TUBGCP3: variants seen among roughly 807,000 people sequenced by gnomAD.
The protein encoded by TUBGCP3 is gamma-tubulin complex component 3.
Under a neutral mutation model 123.1 loss-of-function variants are expected in TUBGCP3, and 50 were observed. That is an observed-to-expected ratio of 0.41 (90% CI 0.32 to 0.51). The LOEUF (loss-of-function observed/expected upper bound fraction) is 0.51. TUBGCP3 is among the 20% of genes least tolerant of loss of function. The pLI is 0.36. For synonymous variants in TUBGCP3, 405 were observed against 413.9 expected, an observed-to-expected ratio of 0.98 and a Z score of 0.26; for missense variants, 882 against 1,127.0, an observed-to-expected ratio of 0.78 and a Z score of 3.11.
At chr13:112,601,413 C>T in the TUBGCP3 span, among the ~76,000 whole-genome samples, 6 of 152,024 alleles carry the variant, frequency 3.9e-5, no homozygotes, top group East Asian at 1.9e-4. Context: ...CTCATTCTGT[C>T]GCCCGGGCTT....
chr13:112,502,306 C>A (rs1314588191), intron 19 of TUBGCP3, among the ~76,000 whole-genome samples: 2 of 152,206 alleles, frequency 1.3e-5, no homozygotes, highest in African/African-American at 4.8e-5. Context: ...TCTTGCCATG[C>A]GACTGCACCG....
At position 112,562,818 on chromosome 13, in the gene TUBGCP3, G is replaced by A. The variant is rs184364839; in HGVS notation, c.252+2293C>T. On this transcript the variant is annotated intron_variant, in intron 3 of 21. Transcript: ENST00000261965. The stretch of plus-strand genomic sequence containing the variant: ...AATTGTACGTGAAGAAAGTCTTATC[G>A]GGACATGGTAAGATCTAGAGGAACA... 3.1e-4 allele frequency among the ~76,000 whole-genome samples: 47 copies of A among 152,324 alleles called. No homozygotes were observed. The East Asian group carries it at 7.1e-3, about 23-fold the overall frequency.
chr13:112,576,622 T>C (rs1368461618), intron 1 of TUBGCP3, among the ~76,000 whole-genome samples: 2 of 152,038 alleles, frequency 1.3e-5, no homozygotes, highest in Non-Finnish European at 2.9e-5. Context: ...ACCTTAAATA[T>C]ATATTTTGGA....
At chr13:112,556,007 C>T in intron 6 of TUBGCP3, 45 bp downstream of exon 6, 2 of 1,564,610 alleles carry the variant, frequency 1.3e-6, no homozygotes, top group Non-Finnish European at 1.7e-6. Context: ...AGGCTGAATT[C>T]CAAGTGTTCA....
chr13:112,578,476 A>C (rs7320222), intron 1 of TUBGCP3, among the ~76,000 whole-genome samples: 1 of 143,750 alleles, frequency 7.0e-6, no homozygotes, highest in Non-Finnish European at 1.5e-5. Context: ...GGAGAATGGC[A>C]TGAACCCAAG....
intron 16 of TUBGCP3, 48 bp downstream of exon 16, chr13:112,518,927 C>T: frequency 6.6e-7 from 1 of 1,524,260 alleles, no homozygotes; most frequent in Non-Finnish European, 9.1e-7. Context: ...AAATGTTTAA[C>T]AATCTTAATA....
chr13:112,502,536 T>TTTC (rs1476702381), intron 19 of TUBGCP3, among the ~76,000 whole-genome samples: 1 of 145,600 alleles, frequency 6.9e-6, no homozygotes, highest in Non-Finnish European at 1.5e-5. Flanking sequence ...AAGAAGTACA[T>TTTC]TTCTTCTTTT....
chr13:112,603,276 C>T, the TUBGCP3 span: 1 of 152,320 alleles, frequency 6.6e-6, no homozygotes, highest in South Asian at 2.1e-4. Context: ...TGCAGTTTCC[C>T]AGCCTATCTT....
In TUBGCP3 at chr13:112,588,136, G is replaced by T. The variant is rs1882769620; in HGVS notation, c.-156C>A. ...CCGGCCACCAGGGCGCCATTTTAACGGAACCCGCCGAAAGCGCGGGCGCTT... is the reference window on the plus strand; with the variant it reads ...CCGGCCACCAGGGCGCCATTTTAACTGAACCCGCCGAAAGCGCGGGCGCTT... On this transcript the variant is annotated 5_prime_UTR_variant, in exon 1 of 22. Transcript: ENST00000261965. The T allele has an allele frequency of 1.8e-6, 1 of 543,306 alleles. No homozygotes were observed. The highest frequency in any genetic ancestry group is 4.4e-5 in the Admixed American group (1 of 22,670). 33.7% of individuals were successfully genotyped at this position (543,306 alleles called of 1,614,324 possible). A position where few individuals can be genotyped will look rare whatever the true frequency, so the allele number is the denominator to read the frequency against.
chr13:112,596,579 G>A, the TUBGCP3 span, among the ~76,000 whole-genome samples: 1 of 152,032 alleles, frequency 6.6e-6, no homozygotes, highest in East Asian at 1.9e-4. Flanking sequence ...TCTTGACATG[G>A]TTTCCTTGAG....
chr13:112,539,186 C>A (rs1333792540), intron 11 of TUBGCP3, among the ~76,000 whole-genome samples: 1 of 152,186 alleles, frequency 6.6e-6, no homozygotes. Flanking sequence ...TTCACACATA[C>A]ACAAAATCAC....
intron 17 of TUBGCP3, among the ~76,000 whole-genome samples, chr13:112,509,126 C>T (rs941295813): frequency 6.6e-6 from 1 of 152,170 alleles, no homozygotes; most frequent in Non-Finnish European, 1.5e-5. Context: ...CCCACTGACC[C>T]GAACAGCTCA....
chr13:112,521,608 G>T, intron 14 of TUBGCP3: 2 of 947,378 alleles, frequency 2.1e-6, no homozygotes, highest in South Asian at 4.9e-5. Flanking sequence ...GGGAGCACTG[G>T]CAGGGTTTAA....
At chr13:112,527,526 A>G in intron 11 of TUBGCP3, 42 bp from the exon 12 acceptor site, 1 of 1,373,312 alleles carries the variant, frequency 7.3e-7, no homozygotes, top group South Asian at 1.2e-5. Context: ...AGTGATATTT[A>G]TGGCAAAATA....
chr13:112,587,139 G>A (rs1197872067), intron 1 of TUBGCP3: 2 of 151,968 alleles, frequency 1.3e-5, no homozygotes, highest in Non-Finnish European at 2.9e-5. Flanking sequence ...CTCACTCTCT[G>A]CCCCACCAAC....
rs114682806 is a variant in TUBGCP3, at chr13:112,573,721, G to A, written c.77-4462C>T. On this transcript the variant is annotated intron_variant, in intron 1 of 21. Transcript: ENST00000261965. ...CACTTCAATAAGTGGATTGGAGCTG[G>A]TGCCAGGGTGGGATAGCCTGCCTGT... Among the ~76,000 whole-genome samples the A allele has an allele frequency of 8.7e-3, 1,325 of 152,352 alleles. 18 individuals are homozygous for A. The highest frequency in any genetic ancestry group is 0.03 in the African/African-American group (1,259 of 41,578).
Position 112,588,008 on chromosome 13 carries a change from C to T in TUBGCP3, c.-28G>A. 2 of 1,425,332 alleles carry T rather than the reference C, an allele frequency of 1.4e-6. No homozygotes were observed. The highest frequency in any genetic ancestry group is 2.9e-5 in the Admixed American group (1 of 35,022). The allele number at this position is 1,425,332 out of a possible 1,614,324, so 88.3% of individuals were successfully genotyped here. ...TCGCCCGGAGCCGTGCACGGTGGTC[C>T]GGGCAGAGCCGCCACTGCCGCCGCA... On this transcript the variant is annotated 5_prime_UTR_variant, in exon 1 of 22. Transcript: ENST00000261965.
Position 112,518,982 on chromosome 13 carries a change from A to G in TUBGCP3, c.1943T>C (p.Ile648Thr), listed in dbSNP as rs146133188. 2.7e-5 allele frequency: 44 copies of G among 1,613,168 alleles called. No individual in the cohort carries two copies. Among genetic ancestry groups the G allele is most frequent in the African/African-American group, 2.7e-5 (2 of 74,932 alleles). The change falls in exon 16 of 22, where the codon ATT (isoleucine) becomes ACT (threonine). Residue 648 changes from isoleucine to threonine, a missense_variant. Transcript: ENST00000261965. ...GATGCAGGATAATCTTACAGTTGCA[A>G]TTGGTCCGTCAACATGATAATCGAG... The part of the protein sequence containing the change: ...FSLDYHVDGP[I>T]ATVFTRECMS...
Position 112,545,389 on chromosome 13 carries a change from T to C in TUBGCP3, c.1335+310A>G. The C allele has an allele frequency of 1.7e-5, 5 of 301,816 alleles. 1 individual carries two copies. The South Asian group carries it at 3.1e-4, about 19-fold the overall frequency. The allele number at this position is 301,816 out of a possible 1,614,324, so 18.7% of individuals were successfully genotyped here. A position where few individuals can be genotyped will look rare whatever the true frequency, so the allele number is the denominator to read the frequency against. On this transcript the variant is annotated intron_variant, in intron 11 of 21. Transcript: ENST00000261965. The surrounding 1 kb of genome is among the most constrained non-coding windows in gnomAD (Gnocchi z 4.1). ...AAGCAGCAGAATCTGCGATGATGAC[T>C]GCCCCAAGACTCAGGAGGCCTCGTC... is the stretch of plus-strand genomic sequence containing the variant.
Sources: allele counts gnomAD v4.1 joint callset (sites outside exome capture counted in the v4.1 genomes callset), GRCh38; gene constraint gnomAD v4.1.1; non-coding constraint Gnocchi (gnomAD v3.1); transcripts MANE v1.5; gene names NCBI Gene and HGNC (gene_info 2026-07-23, HGNC 2026-07-21).